PIK3C3: variants seen among roughly 807,000 people sequenced by gnomAD.
The protein encoded by PIK3C3 is phosphatidylinositol 3-kinase catalytic subunit type 3.
Under a neutral mutation model 126.1 loss-of-function variants are expected in PIK3C3, and 95 were observed. The observed-to-expected ratio is 0.75, with a 90% CI of 0.64 to 0.89. The LOEUF (loss-of-function observed/expected upper bound fraction) is 0.89. Ranked by LOEUF, PIK3C3 falls within the 40% of genes least tolerant of loss-of-function variation. The pLI, the probability that PIK3C3 is intolerant of heterozygous loss-of-function variation, is 0.00. For missense variants in PIK3C3, 829 were observed against 1,063.2 expected (o/e 0.78, Z 3.06); for synonymous variants, 374 against 360.0 (o/e 1.04, Z -0.44).
At chr18:42,049,469 C>A in intron 20 of PIK3C3, 62 bp from the exon 21 acceptor site, 3 of 1,223,594 alleles carry the variant, frequency 2.5e-6, no homozygotes, top group Non-Finnish European at 3.6e-6. Context: ...CTTTTATATT[C>A]AGTAGAATGT....
intron 24 of PIK3C3, among the ~76,000 whole-genome samples, chr18:42,070,264 A>G (rs1985720021): frequency 6.6e-6 from 1 of 152,218 alleles, no homozygotes; most frequent in Admixed American, 6.5e-5. Flanking sequence ...GCCTCTTGAC[A>G]GGAGGAGAGA....
At chr18:42,038,223 G>A (rs868698555) in intron 17 of PIK3C3, among the ~76,000 whole-genome samples, 47 of 152,184 alleles carry the variant, frequency 3.1e-4, no homozygotes, top group Middle Eastern at 3.4e-3. Flanking sequence ...ACTGCATGAA[G>A]TGATAGCAAC....
intron 19 of PIK3C3, among the ~76,000 whole-genome samples, chr18:42,041,776 G>A (rs1028221351): frequency 8.5e-5 from 13 of 152,284 alleles, no homozygotes; most frequent in African/African-American, 2.6e-4. Context: ...CTTTTGCAAA[G>A]CAAGTGCTTA....
intron 23 of PIK3C3, among the ~76,000 whole-genome samples, chr18:42,065,955 T>C (rs182995778): frequency 1.3e-5 from 2 of 152,350 alleles, no homozygotes; most frequent in East Asian, 1.9e-4. Flanking sequence ...CAGGCACTTA[T>C]GTAAGTATGC....
At position 41,999,669 on chromosome 18, in the gene PIK3C3, A is replaced by G. The variant is rs946417056; in HGVS notation, c.984+2939A>G. 2.2e-4 allele frequency among the ~76,000 whole-genome samples: 34 copies of G among 152,190 alleles called. 1 individual carries two copies. The highest frequency in any genetic ancestry group is 2.0e-3 in the Admixed American group (31 of 15,276). ...TTTGGGGTAAGGATATTTACACATA[A>G]TTAAAATTAGGAAGTATAGCATAGT... On this transcript the variant is annotated intron_variant, in intron 9 of 24. Transcript: ENST00000262039.
At chr18:42,007,335 T>C (rs1052750950) in intron 10 of PIK3C3, among the ~76,000 whole-genome samples, 33 of 152,128 alleles carry the variant, frequency 2.2e-4, no homozygotes, top group African/African-American at 7.5e-4. Flanking sequence ...AGACAAAGCT[T>C]TTCTTCTTTC....
At chr18:42,047,276 A>AT (rs1380340222) in intron 20 of PIK3C3, among the ~76,000 whole-genome samples, 1 of 152,140 alleles carries the variant, frequency 6.6e-6, no homozygotes, top group Non-Finnish European at 1.5e-5. Flanking sequence ...AATTGTAGGA[A>AT]TTTCGCTTGT....
At chr18:42,005,811 CTAAAG>C (rs887112813) in intron 10 of PIK3C3, among the ~76,000 whole-genome samples, 5 of 145,558 alleles carry the variant, frequency 3.4e-5, no homozygotes, top group Non-Finnish European at 7.5e-5. Flanking sequence ...AATTTAAACA[CTAAAG>C]TAAATAGTAT....
intron 4 of PIK3C3, among the ~76,000 whole-genome samples, chr18:41,974,160 A>G (rs1057088898): frequency 1.3e-5 from 2 of 152,184 alleles, no homozygotes; most frequent in Non-Finnish European, 2.9e-5. Flanking sequence ...TGAAATGAAG[A>G]TTAACTATTT....
chr18:42,057,971 A>G lies in PIK3C3; in HGVS notation c.2352A>G (p.Val784=), dbSNP rs1985146214. ...PPPMKLNKEM[V]EGMGGTQSEQ... Reference sequence around the variant, plus strand: ...CAATGAAGCTGAATAAAGAAATGGTAGAAGGAATGGGGGGCACACAGAGTG... The same window carrying G: ...CAATGAAGCTGAATAAAGAAATGGTGGAAGGAATGGGGGGCACACAGAGTG... The change falls in exon 22 of 25, where the codon GTA becomes GTG. Residue 784 remains valine, a synonymous_variant. Coordinates refer to ENST00000262039, the MANE Select transcript of PIK3C3 (RefSeq NM_002647.4). 6.2e-7 allele frequency: 1 copy of G among 1,613,506 alleles called. No homozygotes were observed. Among genetic ancestry groups the G allele is most frequent in the Non-Finnish European group, 8.5e-7 (1 of 1,179,712 alleles).
intron 10 of PIK3C3, among the ~76,000 whole-genome samples, chr18:42,012,475 T>C (rs1982873906): frequency 6.6e-6 from 1 of 152,208 alleles, no homozygotes; most frequent in African/African-American, 2.4e-5. Flanking sequence ...GTTTCAAGTG[T>C]CTAACAGGGT....
chr18:42,057,179 T>G (rs1985107633), intron 21 of PIK3C3, among the ~76,000 whole-genome samples: 1 of 151,860 alleles, frequency 6.6e-6, no homozygotes, highest in African/African-American at 2.4e-5. Context: ...TGTTACAGAT[T>G]AGTAAAATTT....
At chr18:42,037,424 C>T (rs1445598349) in intron 16 of PIK3C3, among the ~76,000 whole-genome samples, 1 of 152,134 alleles carries the variant, frequency 6.6e-6, no homozygotes, top group African/African-American at 2.4e-5. Flanking sequence ...ATAAGACTGT[C>T]CAGCGAGTAC....
intron 7 of PIK3C3, 29 bp downstream of exon 7, chr18:41,993,370 A>G (rs777638729): frequency 1.4e-5 from 20 of 1,443,322 alleles, no homozygotes; most frequent in Non-Finnish European, 1.9e-5. Context: ...TTTTTATGAA[A>G]GTACTTTTCT....
intron 10 of PIK3C3, among the ~76,000 whole-genome samples, chr18:42,007,338 C>A (rs1432959179): frequency 6.6e-6 from 1 of 152,104 alleles, no homozygotes. Context: ...CAAAGCTTTT[C>A]TTCTTTCCTT....
At chr18:41,990,373 A>G in intron 5 of PIK3C3, 86 bp from the exon 6 acceptor site, 1 of 757,774 alleles carries the variant, frequency 1.3e-6, no homozygotes, top group Non-Finnish European at 2.3e-6. Flanking sequence ...TACATGTATT[A>G]CTGAATTAGG....
rs562944108 is a variant in PIK3C3 at position 42,038,767 on chromosome 18, CT to C, written c.1969-10del. ...TTTACATTTGGTTAATATATTTTAC[CT>C]TTTGATTAAAAGCTGTTACGGAAAG... On this transcript the variant is annotated splice_polypyrimidine_tract_variant and intron_variant, in intron 17 of 24. Coordinates refer to ENST00000262039, the MANE Select transcript of PIK3C3 (RefSeq NM_002647.4). The C allele has an allele frequency of 2.5e-4, 389 of 1,560,320 alleles. No homozygotes were observed. Among genetic ancestry groups the C allele is most frequent in the Middle Eastern group, 5.1e-4 (3 of 5,826 alleles).
intron 4 of PIK3C3, among the ~76,000 whole-genome samples, chr18:41,984,083 C>T (rs1188693406): frequency 2.6e-5 from 4 of 151,684 alleles, no homozygotes; most frequent in African/African-American, 4.8e-5. Flanking sequence ...TTGACCTATC[C>T]CCATCCTAGA....
intron 3 of PIK3C3, among the ~76,000 whole-genome samples, chr18:41,963,037 T>C (rs776299709): frequency 3.9e-5 from 6 of 152,140 alleles, no homozygotes; most frequent in Non-Finnish European, 7.4e-5. Flanking sequence ...ATGATTGTGA[T>C]AGAAAAGATA....
Sources: gnomAD v4.1 joint callset for allele counts (sites outside exome capture counted in the v4.1 genomes callset) on GRCh38, gnomAD v4.1.1 for gene constraint, MANE v1.5 for transcripts, NCBI Gene and HGNC (gene_info 2026-07-23, HGNC 2026-07-21) for gene names.